Variants in RAD51B observed in about 807,000 individuals in gnomAD.
RAD51B encodes the protein RAD51 paralog B, also known as DNA repair protein RAD51 homolog 2.
Under a neutral mutation model 42.2 loss-of-function variants are expected in RAD51B, and 38 were observed. The ratio of observed to expected loss-of-function variants is 0.90; its 90% CI spans 0.70 to 1.18. The LOEUF (loss-of-function observed/expected upper bound fraction) is 1.18. Ranked by LOEUF, RAD51B falls within the 50% of genes most tolerant of loss-of-function variation. The probability of loss-of-function intolerance (pLI) is 0.00; values close to 1 mark genes in which losing one functional copy is unlikely to be tolerated. For missense variants in RAD51B, 373 were observed against 400.7 expected (o/e 0.93, Z 0.59); for synonymous variants, 154 against 145.2 (o/e 1.06, Z -0.43).
At chr14:68,160,783 A>G (rs1231487776) in intron 7 of RAD51B, among the ~76,000 whole-genome samples, 1 of 152,302 alleles carries the variant, frequency 6.6e-6, no homozygotes, top group Admixed American at 6.5e-5. Flanking sequence ...AAATCAACCT[A>G]TGGAACCTTT....
chr14:67,982,637 T>C (rs2075116520), intron 7 of RAD51B, among the ~76,000 whole-genome samples: 1 of 152,172 alleles, frequency 6.6e-6, no homozygotes, highest in African/African-American at 2.4e-5. Flanking sequence ...AATCTTCGTT[T>C]TTTGAAAAAC....
intron 8 of RAD51B, among the ~76,000 whole-genome samples, chr14:68,364,437 TGG>T (rs1186040629): frequency 6.6e-6 from 1 of 152,136 alleles, no homozygotes; most frequent in Non-Finnish European, 1.5e-5. Context: ...GGGAGACTCC[TGG>T]GGCCGGCAAG....
chr14:68,085,757 G>C (rs1160165767), intron 7 of RAD51B, among the ~76,000 whole-genome samples: 1 of 152,144 alleles, frequency 6.6e-6, no homozygotes, highest in African/African-American at 2.4e-5. Flanking sequence ...AGAAGAGACT[G>C]AAGATGGTAT....
intron 7 of RAD51B, among the ~76,000 whole-genome samples, chr14:68,029,489 A>G (rs767935920): frequency 1.3e-5 from 2 of 152,244 alleles, no homozygotes; most frequent in Admixed American, 6.5e-5. Context: ...TTGGTAATCC[A>G]TAAGAAATAA....
intron 7 of RAD51B, among the ~76,000 whole-genome samples, chr14:67,998,435 T>G (rs2075423722): frequency 6.6e-6 from 1 of 152,230 alleles, no homozygotes; most frequent in Admixed American, 6.5e-5. Context: ...GAATGCTATG[T>G]TTTCTAGGAT....
At chr14:68,095,223 A>G (rs898562362) in intron 7 of RAD51B, among the ~76,000 whole-genome samples, 2 of 152,178 alleles carry the variant, frequency 1.3e-5, no homozygotes, top group African/African-American at 4.8e-5. Flanking sequence ...GGCATTTATC[A>G]TTTGATGTGT....
intron 8 of RAD51B, among the ~76,000 whole-genome samples, chr14:68,374,132 T>A (rs192209101): frequency 1.6e-4 from 24 of 152,342 alleles, no homozygotes; most frequent in African/African-American, 5.5e-4. Flanking sequence ...AACTCCCATA[T>A]AGTCAATCCT....
intron 7 of RAD51B, among the ~76,000 whole-genome samples, chr14:67,980,879 A>G (rs1022647755): frequency 6.6e-6 from 1 of 152,220 alleles, no homozygotes; most frequent in Admixed American, 6.5e-5. Context: ...GAACAAATTG[A>G]TAAGTTGAAC....
intron 4 of RAD51B, among the ~76,000 whole-genome samples, chr14:67,837,613 G>A (rs1477789934): frequency 6.9e-6 from 1 of 145,368 alleles, no homozygotes; most frequent in South Asian, 2.1e-4. Context: ...AGTACAGGGA[G>A]TATATCAAAT....
chr14:67,930,238 G>C (rs2044677796), intron 7 of RAD51B, among the ~76,000 whole-genome samples: 1 of 151,762 alleles, frequency 6.6e-6, no homozygotes, highest in Admixed American at 6.6e-5. Flanking sequence ...ATTGTTTGCT[G>C]GTTTTCTATG....
intron 7 of RAD51B, among the ~76,000 whole-genome samples, chr14:68,226,459 G>T (rs1442947178): frequency 6.6e-6 from 1 of 152,166 alleles, no homozygotes; most frequent in Non-Finnish European, 1.5e-5. Flanking sequence ...TTGTGAGAGG[G>T]ACCCGGTGGG....
At chr14:68,087,938 T>TA (rs2077018236) in intron 7 of RAD51B, among the ~76,000 whole-genome samples, 1 of 122,156 alleles carries the variant, frequency 8.2e-6, no homozygotes, top group African/African-American at 3.5e-5. Flanking sequence ...AATTATATAA[T>TA]TTATTATTAT....
At chr14:68,523,496 A>G (rs1594940423) in intron 10 of RAD51B, among the ~76,000 whole-genome samples, 1 of 152,302 alleles carries the variant, frequency 6.6e-6, no homozygotes, top group East Asian at 1.9e-4. Flanking sequence ...TTTGGGTGAG[A>G]ATCAGGAAGA....
chr14:68,340,845 G>C (rs1400225037), intron 8 of RAD51B, among the ~76,000 whole-genome samples: 3 of 152,244 alleles, frequency 2.0e-5, no homozygotes, highest in Non-Finnish European at 4.4e-5. Flanking sequence ...GGTTAGGGAA[G>C]TAAAATATGA....
At chr14:68,066,347 A>C (rs1026170151) in intron 7 of RAD51B, among the ~76,000 whole-genome samples, 1 of 152,088 alleles carries the variant, frequency 6.6e-6, no homozygotes, top group Non-Finnish European at 1.5e-5. Flanking sequence ...TTTAGTTTTC[A>C]TTTCTATTTT....
At chr14:68,260,763 G>A (rs150885577) in intron 7 of RAD51B, among the ~76,000 whole-genome samples, 68 of 152,202 alleles carry the variant, frequency 4.5e-4, no homozygotes, top group East Asian at 2.7e-3. Flanking sequence ...TACTCAGTGC[G>A]CCAAGCTTCC....
chr14:68,029,719 T>G (rs1346932336), intron 7 of RAD51B, among the ~76,000 whole-genome samples: 1 of 152,220 alleles, frequency 6.6e-6, no homozygotes, highest in Non-Finnish European at 1.5e-5. Context: ...GAATCAGGAA[T>G]GTTCTGAATA....
At chr14:68,374,485 G>A (rs144082705) in intron 8 of RAD51B, among the ~76,000 whole-genome samples, 198 of 152,150 alleles carry the variant, frequency 1.3e-3, no homozygotes, top group African/African-American at 4.2e-3. Flanking sequence ...TTCTTTCATT[G>A]GGAAAACTGA....
chr14:68,456,046 C>T (rs1319887556), intron 9 of RAD51B, among the ~76,000 whole-genome samples: 1 of 152,104 alleles, frequency 6.6e-6, no homozygotes, highest in African/African-American at 2.4e-5. Flanking sequence ...CTCAGGGCAG[C>T]CTCTAAGAAA....
Sources: allele counts gnomAD v4.1 joint callset (sites outside exome capture counted in the v4.1 genomes callset), GRCh38; gene constraint gnomAD v4.1.1; transcripts MANE v1.5; gene names NCBI Gene and HGNC (gene_info 2026-07-23, HGNC 2026-07-21).